The following TESC variants were observed in gnomAD, a reference collection of about 807,000 sequenced individuals.
The protein encoded by TESC is tescalcin.
In TESC, 19 loss-of-function variants were observed where a neutral mutation model predicts 31.0. The observed-to-expected ratio is 0.61, with a 90% CI of 0.43 to 0.90. The LOEUF is 0.90. Among genes scored for constraint, TESC ranks in the 40% least tolerant of loss-of-function variants. TESC has a pLI of 0.00. For missense variants in TESC, 248 were observed against 303.8 expected (o/e 0.82, Z 1.36); for synonymous variants, 109 against 114.8 (o/e 0.95, Z 0.32).
At chr12:117,063,027 G>T (rs987281748) in intron 2 of TESC, among the ~76,000 whole-genome samples, 28 of 152,176 alleles carry the variant, frequency 1.8e-4, no homozygotes, top group Admixed American at 6.5e-5. Context: ...GAGCCCTCGG[G>T]GCTTCAGAAT....
At chr12:117,061,705 C>T (rs1005726618) in intron 2 of TESC, among the ~76,000 whole-genome samples, 1 of 152,158 alleles carries the variant, frequency 6.6e-6, no homozygotes, top group Non-Finnish European at 1.5e-5. Flanking sequence ...ACTCTCACCT[C>T]CCCCTCACCA....
chr12:117,055,833 C>G (rs1182132429), intron 3 of TESC, among the ~76,000 whole-genome samples: 1 of 152,196 alleles, frequency 6.6e-6, no homozygotes, highest in Non-Finnish European at 1.5e-5. Context: ...CTTTGAGACC[C>G]CCAGCTAATT....
At chr12:117,059,473 CG>C (rs1954772806) in intron 2 of TESC, among the ~76,000 whole-genome samples, 1 of 152,072 alleles carries the variant, frequency 6.6e-6, no homozygotes, top group East Asian at 1.9e-4. Flanking sequence ...GAGGTAGACT[CG>C]GGACAGCTGG....
chr12:117,097,746 C>T (rs577167149), intron 1 of TESC, among the ~76,000 whole-genome samples: 2 of 152,246 alleles, frequency 1.3e-5, no homozygotes, highest in Admixed American at 6.5e-5. Context: ...TTCCACTCCC[C>T]CCGCAACCCC....
Position 117,045,511 on chromosome 12 carries a change from G to A in TESC, c.519+1048C>T, listed in dbSNP as rs1305561230. 2.0e-5 allele frequency among the ~76,000 whole-genome samples: 3 copies of A among 152,240 alleles called. No homozygotes were observed. The East Asian group carries it at 5.8e-4, about 29-fold the overall frequency. ...GAGGTCACAAGCCCTCTCCCGTGGT[G>A]GTTAGTCTGCTGAGTGCGGAGGTTT... On this transcript the variant is annotated intron_variant, in intron 6 of 7. Transcript: ENST00000335209.
rs766191865 is a variant in TESC at position 117,091,508 on chromosome 12, CAAGA to C, written c.58+7713_58+7716del. Among the ~76,000 whole-genome samples the C allele has an allele frequency of 7.0e-4, 106 of 152,314 alleles. 1 individual carries two copies. In the Middle Eastern group the frequency reaches 0.01, roughly 15 times the overall value. On this transcript the variant is annotated intron_variant, in intron 1 of 7. Coordinates refer to ENST00000335209, the MANE Select transcript of TESC (RefSeq NM_017899.4). ...CCTGCCAGGATGGCAGTAGGGGAGG[CAAGA>C]AAGAAAGATGCAGCGGGGATCTAAT...
rs1460147202 is a variant in TESC at position 117,091,703 on chromosome 12, C to T, written c.58+7522G>A. On this transcript the variant is annotated intron_variant, in intron 1 of 7. Coordinates refer to ENST00000335209, the MANE Select transcript of TESC (RefSeq NM_017899.4). ...TCCTCCCAGCCGTGGTCCCCACTCCCCTCCCACTGCCCACTACTGAGCTTG... is the reference window on the plus strand; with the variant it reads ...TCCTCCCAGCCGTGGTCCCCACTCCTCTCCCACTGCCCACTACTGAGCTTG... Among the ~76,000 whole-genome samples, 3 of 152,356 alleles carry T rather than the reference C, an allele frequency of 2.0e-5. No individual in the cohort carries two copies. The East Asian group carries it at 5.8e-4, about 29-fold the overall frequency.
At chr12:117,068,196 T>C (rs1326664619) in intron 2 of TESC, among the ~76,000 whole-genome samples, 1 of 151,410 alleles carries the variant, frequency 6.6e-6, no homozygotes, top group Non-Finnish European at 1.5e-5. Flanking sequence ...ACTGGGCCAA[T>C]CTTGTGGTAA....
chr12:117,047,682 C>G (rs1445869591), intron 4 of TESC, among the ~76,000 whole-genome samples: 1 of 152,110 alleles, frequency 6.6e-6, no homozygotes, highest in Non-Finnish European at 1.5e-5. Context: ...CCTCAGCCTC[C>G]CAAAGTGCTG....
At chr12:117,044,518 T>C (rs544773101) in intron 6 of TESC, among the ~76,000 whole-genome samples, 1 of 151,780 alleles carries the variant, frequency 6.6e-6, no homozygotes, top group South Asian at 2.1e-4. Context: ...GGGCGGGGAG[T>C]TGGGGGAAGC....
At chr12:117,050,692 G>A (rs1954636098) in intron 3 of TESC, among the ~76,000 whole-genome samples, 2 of 152,212 alleles carry the variant, frequency 1.3e-5, no homozygotes, top group Non-Finnish European at 2.9e-5. Flanking sequence ...CTGCACTTTG[G>A]GAGACTGAGG....
In TESC at chr12:117,059,742, G is replaced by A. The variant is rs180896810; in HGVS notation, c.129-2856C>T. ...CGAGTAGCTGGGATTACAGACATGT[G>A]CTACCACGCCCAGCTAACTTCTGTA... On this transcript the variant is annotated intron_variant, in intron 2 of 7. Transcript: ENST00000335209. Among the ~76,000 whole-genome samples, 10 of 152,140 alleles carry A rather than the reference G, an allele frequency of 6.6e-5. No individual in the cohort carries two copies. The East Asian group carries it at 1.9e-3, about 29-fold the overall frequency.
At position 117,050,788 on chromosome 12, in the gene TESC, G is replaced by A. The variant is rs556973316; in HGVS notation, c.210-1630C>T. 1.2e-4 allele frequency among the ~76,000 whole-genome samples: 19 copies of A among 152,272 alleles called. No homozygotes were observed. The East Asian group carries it at 2.7e-3, about 22-fold the overall frequency. On this transcript the variant is annotated intron_variant, in intron 3 of 7. Transcript: ENST00000335209. ...TCTCTACAAAAAATTAGATGGGTGC[G>A]GTGGTGTGCACCTGTAGTCCCAGCT...
intron 2 of TESC, among the ~76,000 whole-genome samples, chr12:117,061,941 C>CA (rs1954805222): frequency 6.6e-6 from 1 of 152,172 alleles, no homozygotes; most frequent in South Asian, 2.1e-4. Flanking sequence ...ATCCAGGTAA[C>CA]ATGATGGGGC....
rs1188671108 is a variant in TESC at position 117,039,080 on chromosome 12, C to T, written c.*53G>A. On this transcript the variant is annotated 3_prime_UTR_variant, in exon 8 of 8. Transcript: ENST00000335209. ...CCGGGCCTGGGCTGCTCCAGCTACG[C>T]GGGGAGGCGGCCCCATTGCAAAGTG... 1.3e-5 allele frequency: 21 copies of T among 1,591,596 alleles called. No individual in the cohort carries two copies. The highest frequency in any genetic ancestry group is 6.8e-5 in the East Asian group (3 of 44,042).
chr12:117,054,691 C>A (rs1954696412), intron 3 of TESC, among the ~76,000 whole-genome samples: 1 of 152,186 alleles, frequency 6.6e-6, no homozygotes, highest in African/African-American at 2.4e-5. Flanking sequence ...GCACCTTGTC[C>A]AGGGTCCCAC....
chr12:117,075,873 G>T (rs1465436026), intron 1 of TESC, among the ~76,000 whole-genome samples: 2 of 22,220 alleles, frequency 9.0e-5, no homozygotes, highest in African/African-American at 3.4e-4. Context: ...ATATATATGT[G>T]TGTATATATA....
intron 3 of TESC, 102 bp downstream of exon 3, chr12:117,056,704 C>G: frequency 7.5e-7 from 1 of 1,326,118 alleles, no homozygotes; most frequent in Admixed American, 1.7e-5. Context: ...GCCCCCTCTT[C>G]TGGGCATCAG....
intron 3 of TESC, among the ~76,000 whole-genome samples, chr12:117,055,812 A>G (rs1414918965): frequency 6.6e-6 from 1 of 152,176 alleles, no homozygotes; most frequent in Non-Finnish European, 1.5e-5. Context: ...CCTTGGCTGA[A>G]GCTCATGAGG....
Sources: gnomAD v4.1 joint callset for allele counts (sites outside exome capture counted in the v4.1 genomes callset) on GRCh38, gnomAD v4.1.1 for gene constraint, MANE v1.5 for transcripts, NCBI Gene and HGNC (gene_info 2026-07-23, HGNC 2026-07-21) for gene names.